SRPK2: variants seen among roughly 807,000 people sequenced by gnomAD.
SRPK2 encodes the protein SRSF protein kinase 2.
In SRPK2, 21 loss-of-function variants were observed where a neutral mutation model predicts 90.8. The observed-to-expected ratio is 0.23, with a 90% confidence interval of 0.16 to 0.33. SRPK2 has a LOEUF of 0.33. Among genes scored for constraint, SRPK2 ranks in the 10% least tolerant of loss-of-function variants. SRPK2 has a pLI of 1.00. For missense variants in SRPK2, 620 were observed against 869.0 expected (o/e 0.71, Z 3.60); for synonymous variants, 288 against 311.1 (o/e 0.93, Z 0.78).
At chr7:105,271,581 T>G (rs1294926132) in intron 2 of SRPK2, among the ~76,000 whole-genome samples, 1 of 152,212 alleles carries the variant, frequency 6.6e-6, no homozygotes, top group African/African-American at 2.4e-5. Flanking sequence ...CAGAAGCCAT[T>G]TAACTGATTT....
intron 8 of SRPK2, among the ~76,000 whole-genome samples, chr7:105,146,057 G>A (rs1049598928): frequency 3.3e-5 from 5 of 152,092 alleles, no homozygotes; most frequent in African/African-American, 1.2e-4. Flanking sequence ...CCCACCATCA[G>A]GCCTTTTCTA....
chr7:105,188,335 G>A (rs1793851389), intron 3 of SRPK2, among the ~76,000 whole-genome samples: 1 of 151,624 alleles, frequency 6.6e-6, no homozygotes, highest in African/African-American at 2.4e-5. Context: ...GTAGAGGGGA[G>A]GAGAATAGGG....
Position 105,297,364 on chromosome 7 carries a change from G to A in SRPK2, c.71+91284C>T, listed in dbSNP as rs1047019745. On this transcript the variant is annotated intron_variant, in intron 2 of 15. Transcript: ENST00000393651. Reference sequence around the variant, plus strand: ...TAAATCACAGTGATCACAAGTGCTGGAAACACAGGTAGAATACAGCTATCA... The same window carrying A: ...TAAATCACAGTGATCACAAGTGCTGAAAACACAGGTAGAATACAGCTATCA... 3.9e-5 allele frequency: 25 copies of A among 646,794 alleles called. No individual in the cohort carries two copies. The South Asian group carries it at 1.2e-3, about 30-fold the overall frequency. The allele number at this position is 646,794 out of a possible 1,614,324, so 40.1% of individuals were successfully genotyped here.
At chr7:105,174,015 C>T (rs552542340) in intron 3 of SRPK2, among the ~76,000 whole-genome samples, 2 of 145,088 alleles carry the variant, frequency 1.4e-5, no homozygotes, top group East Asian at 4.0e-4. Flanking sequence ...AAGGCTGAGG[C>T]AGGTGGATTG....
chr7:105,384,473 T>C (rs1236701016), intron 2 of SRPK2, among the ~76,000 whole-genome samples: 1 of 152,194 alleles, frequency 6.6e-6, no homozygotes, highest in Non-Finnish European at 1.5e-5. Context: ...CTAAAATTAA[T>C]TAAAAGCCTG....
At chr7:105,288,280 AAAAT>A (rs1436154260) in intron 2 of SRPK2, among the ~76,000 whole-genome samples, 4 of 152,156 alleles carry the variant, frequency 2.6e-5, no homozygotes, top group South Asian at 2.1e-4. Flanking sequence ...CACTGAACTT[AAAAT>A]AAATAAATAA....
intron 2 of SRPK2, among the ~76,000 whole-genome samples, chr7:105,242,614 T>C (rs1354799403): frequency 6.6e-6 from 1 of 152,228 alleles, no homozygotes; most frequent in Non-Finnish European, 1.5e-5. Flanking sequence ...TTCTGCAATA[T>C]ACACAAGGAC....
At chr7:105,185,664 C>T (rs994187106) in intron 3 of SRPK2, among the ~76,000 whole-genome samples, 1 of 152,074 alleles carries the variant, frequency 6.6e-6, no homozygotes, top group Non-Finnish European at 1.5e-5. Context: ...AAACTGACTA[C>T]AAAAAGAATA....
At chr7:105,333,540 G>A (rs1407718762) in intron 2 of SRPK2, among the ~76,000 whole-genome samples, 1 of 152,138 alleles carries the variant, frequency 6.6e-6, no homozygotes. Context: ...CCTCATAAAT[G>A]AAAACTGCTA....
chr7:105,304,787 T>A (rs903782181), intron 2 of SRPK2, among the ~76,000 whole-genome samples: 1 of 152,142 alleles, frequency 6.6e-6, no homozygotes, highest in African/African-American at 2.4e-5. Context: ...ATATAGACAA[T>A]CCACTGTGAA....
intron 13 of SRPK2, 98 bp from the exon 14 acceptor site, chr7:105,127,160 C>T (rs1008526360): frequency 7.1e-6 from 8 of 1,121,428 alleles, no homozygotes; most frequent in Non-Finnish European, 9.2e-6. Context: ...TTATGAAGAT[C>T]TGAATCAAAC....
intron 2 of SRPK2, among the ~76,000 whole-genome samples, chr7:105,243,676 C>T (rs754470274): frequency 1.4e-5 from 2 of 144,716 alleles, no homozygotes; most frequent in East Asian, 2.0e-4. Flanking sequence ...TCTCAAATAA[C>T]GAACGGTAAA....
chr7:105,135,825 C>T (rs1037446218), intron 11 of SRPK2, among the ~76,000 whole-genome samples: 2 of 149,656 alleles, frequency 1.3e-5, no homozygotes, highest in African/African-American at 2.5e-5. Context: ...AGTGCAGTGG[C>T]GCGATCTCGG....
intron 2 of SRPK2, among the ~76,000 whole-genome samples, chr7:105,344,351 G>T (rs956264643): frequency 6.8e-6 from 1 of 148,130 alleles, no homozygotes; most frequent in Admixed American, 6.7e-5. Flanking sequence ...GGGCTCAAGT[G>T]ATCCTCCCAC....
At chr7:105,235,504 T>G (rs1431210614) in intron 2 of SRPK2, among the ~76,000 whole-genome samples, 2 of 152,176 alleles carry the variant, frequency 1.3e-5, no homozygotes, top group Non-Finnish European at 2.9e-5. Flanking sequence ...ATTTTAAATA[T>G]GTATGGTATT....
intron 3 of SRPK2, among the ~76,000 whole-genome samples, chr7:105,181,150 A>T (rs1352407901): frequency 2.0e-5 from 3 of 152,212 alleles, no homozygotes; most frequent in African/African-American, 7.2e-5. Context: ...GAGAAATGCA[A>T]ATTGAAACCA....
chr7:105,388,659 T>A lies in SRPK2; in HGVS notation c.60A>T (p.Lys20Asn). 1 of 1,586,136 alleles carries A rather than the reference T, an allele frequency of 6.3e-7. No individual in the cohort carries two copies. The highest frequency in any genetic ancestry group is 8.6e-7 in the Non-Finnish European group (1 of 1,166,196). ...CAGCGTGGACTCACTTTTTCGGATG[T>A]TTCTCTCTTTTCGGCCTCCGCTTTC... The part of the protein sequence containing the change: ...QARKRRPKRE[K>N]HPKKPEPQQK... Residue 20 changes from lysine to asparagine, a missense_variant, in exon 2 of 16, where the codon AAA becomes AAT. By Grantham distance (94) the Lys-to-Asn change is moderately conservative. Transcript: ENST00000393651.
At position 105,334,566 on chromosome 7, in the gene SRPK2, G is replaced by A. The variant is rs1021927573; in HGVS notation, c.71+54082C>T. Among the ~76,000 whole-genome samples, 44 of 152,154 alleles carry A rather than the reference G, an allele frequency of 2.9e-4. 1 individual carries two copies. Among genetic ancestry groups the A allele is most frequent in the Middle Eastern group, 3.4e-3 (1 of 294 alleles). On this transcript the variant is annotated intron_variant, in intron 2 of 15. Transcript: ENST00000393651. ...ATACGTATACAGTTTGGCTGGGCAC[G>A]GTGGCTCACATCTGTAATCCCAGTA...
At chr7:105,392,943 G>T (rs1461856163), upstream of SRPK2, among the ~76,000 whole-genome samples, 3 of 145,268 alleles carry the variant, frequency 2.1e-5, no homozygotes, top group Non-Finnish European at 4.5e-5. Context: ...CTCCCAAGTA[G>T]CTGGGACTAC....
Sources: allele counts gnomAD v4.1 joint callset (sites outside exome capture counted in the v4.1 genomes callset), GRCh38; gene constraint gnomAD v4.1.1; transcripts MANE v1.5; gene names NCBI Gene and HGNC (gene_info 2026-07-23, HGNC 2026-07-21).